MON2: variants seen among roughly 807,000 people sequenced by gnomAD.
MON2 encodes protein MON2 homolog.
In MON2, 84 loss-of-function variants were observed where a neutral mutation model predicts 208.6. The observed-to-expected ratio is 0.40, with a 90% CI of 0.34 to 0.48. The LOEUF (loss-of-function observed/expected upper bound fraction) is 0.48, where lower values mean the gene tolerates loss of function less well. Ranked by LOEUF, MON2 falls within the 20% of genes least tolerant of loss-of-function variation. MON2 has a pLI of 0.59. For missense variants in MON2, 1,611 were observed against 2,015.4 expected (o/e 0.80, Z 3.84); for synonymous variants, 660 against 694.0 (o/e 0.95, Z 0.77).
intron 2 of MON2, among the ~76,000 whole-genome samples, chr12:62,493,598 C>T (rs2070302124): frequency 6.6e-6 from 1 of 151,952 alleles, no homozygotes; most frequent in South Asian, 2.1e-4. Flanking sequence ...AAATAGAGTG[C>T]TTTTTTGAGG....
intron 33 of MON2, among the ~76,000 whole-genome samples, chr12:62,586,044 T>G (rs149350785): frequency 6.6e-6 from 1 of 152,318 alleles, no homozygotes; most frequent in African/African-American, 2.4e-5. Flanking sequence ...GAAGGTGCAC[T>G]AGGCTTTTCT....
chr12:62,560,567 T>C lies in MON2; in HGVS notation c.3486T>C (p.Ser1162=), dbSNP rs1447794241. The change falls in exon 26 of 35, where the codon TCT becomes TCC. Residue 1162 remains serine, a synonymous_variant. Coordinates refer to ENST00000393630, the MANE Select transcript of MON2 (RefSeq NM_015026.3). ...SAALSKNNEV[S]LAALKSFQEI... ...CACTCAGCAAAAACAATGAAGTATC[T>C]CTGGCTGCTCTGAAAAGCTTCCAGG... 4 of 1,613,958 alleles carry C rather than the reference T, an allele frequency of 2.5e-6. No homozygotes were observed. The highest frequency in any genetic ancestry group is 3.4e-6 in the Non-Finnish European group (4 of 1,180,012).
At chr12:62,582,710 T>C (rs1035788094) in intron 32 of MON2, among the ~76,000 whole-genome samples, 1 of 147,110 alleles carries the variant, frequency 6.8e-6, no homozygotes. Flanking sequence ...AAATAAAGTT[T>C]GTAGTTTTCA....
At position 62,598,243 on chromosome 12, in the gene MON2, CCCT is replaced by C. The variant is rs913241618; in HGVS notation, c.*5496_*5498del. The C allele has an allele frequency of 6.6e-6, 1 of 152,004 alleles. No individual in the cohort carries two copies. The highest frequency in any genetic ancestry group is 1.5e-5 in the Non-Finnish European group (1 of 68,008). The allele number at this position is 152,004 out of a possible 1,614,324, so 9.4% of individuals were successfully genotyped here. On this transcript the variant is annotated 3_prime_UTR_variant, in exon 35 of 35. Coordinates refer to ENST00000393630, the MANE Select transcript of MON2 (RefSeq NM_015026.3). ...ATTGTACTATGGTATTGATTCTATC[CCCT>C]CAAGTATGAAAAAATTAAATTTTCA...
intron 14 of MON2, 24 bp from the exon 15 acceptor site, chr12:62,537,127 T>C (rs760182483): frequency 2.2e-6 from 3 of 1,365,906 alleles, no homozygotes; most frequent in Non-Finnish European, 3.1e-6. Context: ...ATTTTAATTA[T>C]TTAGGCTTTC....
intron 8 of MON2, among the ~76,000 whole-genome samples, chr12:62,518,933 G>A (rs1287556702): frequency 6.6e-6 from 1 of 152,148 alleles, no homozygotes; most frequent in African/African-American, 2.4e-5. Flanking sequence ...TAGATGCCTG[G>A]TAGTTGGGGG....
At chr12:62,521,584 T>A (rs1001585748) in intron 8 of MON2, among the ~76,000 whole-genome samples, 1 of 152,186 alleles carries the variant, frequency 6.6e-6, no homozygotes, top group Non-Finnish European at 1.5e-5. Context: ...TGCTTCCCAG[T>A]ATTCACCAGG....
intron 2 of MON2, among the ~76,000 whole-genome samples, chr12:62,493,442 T>C (rs997509936): frequency 3.3e-5 from 5 of 152,216 alleles, no homozygotes; most frequent in African/African-American, 1.2e-4. Flanking sequence ...TTAGGGCTGT[T>C]TAAATTCAAG....
chr12:62,563,171 T>G (rs2074258424), intron 26 of MON2, among the ~76,000 whole-genome samples: 1 of 152,188 alleles, frequency 6.6e-6, no homozygotes, highest in African/African-American at 2.4e-5. Flanking sequence ...AAGCCCTGTC[T>G]TCTAAATAAC....
chr12:62,529,035 G>A (rs2072483627), intron 11 of MON2, among the ~76,000 whole-genome samples: 1 of 152,038 alleles, frequency 6.6e-6, no homozygotes, highest in Admixed American at 6.5e-5. Flanking sequence ...ACACCCCAGT[G>A]TCTGGTATTT....
chr12:62,592,351 T>C (rs1051693818), intron 34 of MON2, among the ~76,000 whole-genome samples: 3 of 152,206 alleles, frequency 2.0e-5, no homozygotes, highest in African/African-American at 7.2e-5. Context: ...TAAAATGTAC[T>C]TTATCAAATT....
At chr12:62,568,624 C>A (rs1366589373) in intron 29 of MON2, among the ~76,000 whole-genome samples, 2 of 152,130 alleles carry the variant, frequency 1.3e-5, no homozygotes, top group Admixed American at 1.3e-4. Flanking sequence ...TAGGTGTGAG[C>A]CACTGTGCCT....
In MON2 at chr12:62,534,226, T is replaced by TAA. The variant is rs34549616; in HGVS notation, c.1634-609_1634-608dup. Among the ~76,000 whole-genome samples, 1,132 of 147,742 alleles carry TAA rather than the reference T, an allele frequency of 7.7e-3. 17 individuals are homozygous for TAA. The highest frequency in any genetic ancestry group is 0.026 in the African/African-American group (1,039 of 40,340). On this transcript the variant is annotated intron_variant, in intron 12 of 34. Coordinates refer to ENST00000393630, the MANE Select transcript of MON2 (RefSeq NM_015026.3). Reference sequence around the variant, plus strand: ...AGTAACATAACAAGACCCTGTCTCTTAAAAAAAAAAATGGCTGGGCGTGGT... The same window carrying TAA: ...AGTAACATAACAAGACCCTGTCTCTTAAAAAAAAAAAAATGGCTGGGCGTGGT...
chr12:62,558,723 G>A (rs2074088879), intron 25 of MON2, among the ~76,000 whole-genome samples: 1 of 146,232 alleles, frequency 6.8e-6, no homozygotes, highest in African/African-American at 2.5e-5. Flanking sequence ...GAGTTTTGGA[G>A]TTTCACTCTT....
chr12:62,571,233 A>G (rs2074585432), intron 29 of MON2, among the ~76,000 whole-genome samples, 159 bp from the exon 30 acceptor site: 1 of 152,198 alleles, frequency 6.6e-6, no homozygotes, highest in African/African-American at 2.4e-5. Context: ...ACGTCTGAGA[A>G]TTGGCCTTTC....
At chr12:62,490,800 T>C (rs896976039) in intron 2 of MON2, among the ~76,000 whole-genome samples, 3 of 152,180 alleles carry the variant, frequency 2.0e-5, no homozygotes, top group African/African-American at 4.8e-5. Flanking sequence ...AATAGATGTT[T>C]GATTCCTTTG....
At chr12:62,588,550 T>A (rs2075293700) in intron 34 of MON2, among the ~76,000 whole-genome samples, 1 of 152,202 alleles carries the variant, frequency 6.6e-6, no homozygotes, top group South Asian at 2.1e-4. Flanking sequence ...TTTGAATCAT[T>A]TTTACCATTC....
At chr12:62,556,223 GTAAT>G in intron 25 of MON2, 31 bp downstream of exon 25, 1 of 1,591,168 alleles carries the variant, frequency 6.3e-7, no homozygotes, top group Non-Finnish European at 8.6e-7. Context: ...GATTATACAA[GTAAT>G]TAATGTTAAA....
Position 62,484,248 on chromosome 12 carries a change from T to A in MON2, c.175+15T>A. On this transcript the variant is annotated intron_variant, in intron 2 of 34. Transcript: ENST00000393630. Reference sequence around the variant, plus strand: ...AATTTTGGCAGGTAATTTTTTGTATTAAAAATTTAATAATAAACAAAAATT... The same window carrying A: ...AATTTTGGCAGGTAATTTTTTGTATAAAAAATTTAATAATAAACAAAAATT... 1 of 1,546,262 alleles carries A rather than the reference T, an allele frequency of 6.5e-7. No homozygotes were observed. Among genetic ancestry groups the A allele is most frequent in the Non-Finnish European group, 8.8e-7 (1 of 1,133,086 alleles).
Sources: allele counts gnomAD v4.1 joint callset (sites outside exome capture counted in the v4.1 genomes callset), GRCh38; gene constraint gnomAD v4.1.1; transcripts MANE v1.5; gene names NCBI Gene and HGNC (gene_info 2026-07-23, HGNC 2026-07-21).